Variants in PALM2AKAP2 observed in about 807,000 individuals in gnomAD.
PALM2AKAP2 encodes the protein PALM2-AKAP2 fusion protein.
In PALM2AKAP2, 37 loss-of-function variants were observed where a neutral mutation model predicts 71.5. The observed-to-expected ratio is 0.52, with a 90% CI of 0.40 to 0.68. The LOEUF (loss-of-function observed/expected upper bound fraction) is 0.68, where lower values mean the gene tolerates loss of function less well. Ranked by LOEUF, PALM2AKAP2 falls within the 30% of genes least tolerant of loss-of-function variation. PALM2AKAP2 has a pLI of 0.00. For synonymous variants in PALM2AKAP2, 468 were observed against 478.8 expected (o/e 0.98, Z 0.29); for missense variants, 1,224 against 1,191.8 (o/e 1.03, Z -0.40).
chr9:109,996,401 T>A (rs1388925954), intron 6 of PALM2AKAP2, among the ~76,000 whole-genome samples: 12 of 152,218 alleles, frequency 7.9e-5, no homozygotes, highest in Admixed American at 7.9e-4. Flanking sequence ...AACAGTCCCT[T>A]GAACTTGCTG....
chr9:109,743,485 A>T lies in PALM2AKAP2; in HGVS notation c.6-37003A>T, dbSNP rs529683779. 2.0e-5 allele frequency among the ~76,000 whole-genome samples: 3 copies of T among 152,328 alleles called. No individual in the cohort carries two copies. In the East Asian group the frequency reaches 5.8e-4, roughly 29 times the overall value. On this transcript the variant is annotated intron_variant, in intron 1 of 6. Coordinates refer to the PALM2AKAP2 transcript ENST00000374531. ...TCATACAAATGGAGGGCCGGCATTG[A>T]TGAAGCCAACCCCATACCATGTATG...
intron 1 of PALM2AKAP2, among the ~76,000 whole-genome samples, chr9:109,808,957 T>A (rs1827652529): frequency 6.6e-6 from 1 of 152,210 alleles, no homozygotes; most frequent in South Asian, 2.1e-4. Context: ...AGCCTGCAGG[T>A]GCACAGAAGT....
chr9:109,803,704 G>T (rs1269277735), intron 1 of PALM2AKAP2, among the ~76,000 whole-genome samples: 1 of 152,176 alleles, frequency 6.6e-6, no homozygotes, highest in Non-Finnish European at 1.5e-5. Flanking sequence ...CAACACAAGT[G>T]GGCCAGCACC....
intron 1 of PALM2AKAP2, among the ~76,000 whole-genome samples, chr9:109,729,658 C>T (rs1437397806): frequency 6.6e-6 from 1 of 152,210 alleles, no homozygotes; most frequent in Non-Finnish European, 1.5e-5. Flanking sequence ...GCAGCTTAAA[C>T]AGAGGATTAA....
chr9:109,970,406 A>G (rs1382271232), intron 6 of PALM2AKAP2, among the ~76,000 whole-genome samples: 2 of 152,212 alleles, frequency 1.3e-5, no homozygotes, highest in African/African-American at 4.8e-5. Context: ...GCGCTGCCTT[A>G]GAGCACTCAG....
exon 2 of PALM2AKAP2, chr9:110,137,494 C>G: frequency 6.2e-7 from 1 of 1,614,078 alleles, no homozygotes; most frequent in Non-Finnish European, 8.5e-7. Flanking sequence ...GGCCCTACAG[C>G]GAGCCTTCTA....
chr9:110,014,431 C>T (rs552209777), intron 6 of PALM2AKAP2, among the ~76,000 whole-genome samples: 1 of 151,982 alleles, frequency 6.6e-6, no homozygotes, highest in Admixed American at 6.6e-5. Context: ...GCTTTATTAA[C>T]CTTTAAGGAG....
intron 1 of PALM2AKAP2, among the ~76,000 whole-genome samples, chr9:109,753,083 C>G (rs528090099): frequency 6.6e-6 from 1 of 152,206 alleles, no homozygotes; most frequent in African/African-American, 2.4e-5. Context: ...AACCAAGATG[C>G]CACTTGGAGT....
intron 1 of PALM2AKAP2, among the ~76,000 whole-genome samples, chr9:109,666,754 G>A (rs1325952095): frequency 2.0e-5 from 3 of 152,196 alleles, no homozygotes; most frequent in Non-Finnish European, 4.4e-5. Flanking sequence ...GAATAACCAA[G>A]CTGGATTACC....
At chr9:110,150,705 A>C (rs1317753650) in intron 2 of PALM2AKAP2, among the ~76,000 whole-genome samples, 1 of 152,204 alleles carries the variant, frequency 6.6e-6, no homozygotes, top group Non-Finnish European at 1.5e-5. Flanking sequence ...TATAGTGTTC[A>C]TCTTATGCTG....
chr9:109,754,672 G>A (rs1481554023), intron 1 of PALM2AKAP2, among the ~76,000 whole-genome samples: 1 of 152,014 alleles, frequency 6.6e-6, no homozygotes, highest in Non-Finnish European at 1.5e-5. Flanking sequence ...GCTTGGTGAG[G>A]GTTCTCTTCC....
rs189345760 is a variant in PALM2AKAP2 at position 110,077,598 on chromosome 9, C to T, written c.156+28743C>T. Among the ~76,000 whole-genome samples the T allele has an allele frequency of 2.4e-3, 361 of 152,250 alleles. 1 individual carries two copies. Among genetic ancestry groups the T allele is most frequent in the African/African-American group, 8.3e-3 (346 of 41,530 alleles). On this transcript the variant is annotated intron_variant, in intron 1 of 3. Coordinates refer to ENST00000374525, the Ensembl canonical transcript of PALM2AKAP2. ...GATATCCAGTGACTGTTCCATAACT[C>T]GTTACCTGGAAGTCCAATGCTGTTT...
chr9:109,841,330 C>T (rs1309256994), intron 1 of PALM2AKAP2, among the ~76,000 whole-genome samples: 2 of 136,446 alleles, frequency 1.5e-5, no homozygotes, highest in Admixed American at 7.8e-5. Context: ...AACACTTGGA[C>T]ACAGGAAGGG....
At chr9:110,064,519 A>T (rs76370393) in intron 1 of PALM2AKAP2, among the ~76,000 whole-genome samples, 1,640 of 152,318 alleles carry the variant, frequency 0.011, 36 homozygotes, top group African/African-American at 0.038. Context: ...AGATGCGAAG[A>T]TTGCTTGAAG....
rs188437616 is a variant in PALM2AKAP2, at chr9:109,726,139, C to T, written c.6-54349C>T. ...AACTCCTTGGCTTATGAGTCTGCCT[C>T]CCTCTATAGAAGCCAGACTCTTTTT... On this transcript the variant is annotated intron_variant, in intron 1 of 6. Coordinates refer to the PALM2AKAP2 transcript ENST00000374531. Among the ~76,000 whole-genome samples, 26 of 152,308 alleles carry T rather than the reference C, an allele frequency of 1.7e-4. No homozygotes were observed. The East Asian group carries it at 4.0e-3, about 24-fold the overall frequency.
chr9:109,691,859 TATATATATACACAC>T (rs1827893535), intron 1 of PALM2AKAP2, among the ~76,000 whole-genome samples: 1 of 45,636 alleles, frequency 2.2e-5, no homozygotes. Flanking sequence ...TATATATATA[TATATATATACACAC>T]ACACACACAT....
intron 6 of PALM2AKAP2, among the ~76,000 whole-genome samples, chr9:109,965,326 A>G (rs1437318511): frequency 6.6e-6 from 1 of 152,244 alleles, no homozygotes; most frequent in South Asian, 2.1e-4. Context: ...CAAAAGACGG[A>G]AAAAACCCCA....
At chr9:110,038,329 A>AAAACAAACAAACAAAC (rs72079683) in intron 7 of PALM2AKAP2, among the ~76,000 whole-genome samples, 31 of 151,446 alleles carry the variant, frequency 2.0e-4, no homozygotes, top group African/African-American at 7.3e-4. Context: ...CCCTGTCTCA[A>AAAACAAACAAACAAAC]AAACAAACAA....
chr9:109,759,670 T>A (rs1829020790), intron 1 of PALM2AKAP2, among the ~76,000 whole-genome samples: 1 of 152,292 alleles, frequency 6.6e-6, no homozygotes, highest in Non-Finnish European at 1.5e-5. Flanking sequence ...TCCTCCTCCA[T>A]GAAATATTTC....
Sources: gnomAD v4.1 joint callset for allele counts (sites outside exome capture counted in the v4.1 genomes callset) on GRCh38, gnomAD v4.1.1 for gene constraint, MANE v1.5 for transcripts, NCBI Gene and HGNC (gene_info 2026-07-23, HGNC 2026-07-21) for gene names.